RPS6KA6: variants seen among roughly 807,000 people sequenced by gnomAD.
RPS6KA6 encodes ribosomal protein S6 kinase A6, also known as ribosomal protein S6 kinase alpha-6.
A neutral mutation model predicts 65.4 loss-of-function variants in RPS6KA6; 27 were observed. The ratio of observed to expected loss-of-function variants is 0.41; its 90% CI spans 0.30 to 0.57. The LOEUF (loss-of-function observed/expected upper bound fraction) is 0.57, where lower values mean the gene tolerates loss of function less well. RPS6KA6 is among the 20% of genes least tolerant of loss of function. The pLI, the probability that RPS6KA6 is intolerant of heterozygous loss-of-function variation, is 0.24. For synonymous variants in RPS6KA6, 190 were observed against 184.2 expected, an observed-to-expected ratio of 1.03 and a Z score of -0.26; for missense variants, 486 against 555.6, an observed-to-expected ratio of 0.87 and a Z score of 1.26.
chrX:84,105,718 A>G, intron 16 of RPS6KA6, 69 bp downstream of exon 16: 1 of 619,054 alleles, frequency 1.6e-6, no homozygotes, highest in Non-Finnish European at 2.5e-6. Flanking sequence ...AAAAGTTTCA[A>G]TAAGAAAAAT....
chrX:84,185,589 A>G (rs1445226726), intron 1 of RPS6KA6, among the ~76,000 whole-genome samples: 3 of 111,702 alleles, frequency 2.7e-5, no homozygotes, highest in Non-Finnish European at 5.6e-5. Flanking sequence ...ATACAAAAAG[A>G]CTCCAAAATA....
intron 8 of RPS6KA6, among the ~76,000 whole-genome samples, chrX:84,120,335 G>A (rs761956543): frequency 4.8e-4 from 53 of 111,265 alleles, no homozygotes; most frequent in African/African-American, 1.6e-3. Flanking sequence ...ATTGATCTAA[G>A]TTTTAAAATA....
chrX:84,079,615 A>T, intron 20 of RPS6KA6, among the ~76,000 whole-genome samples: 1 of 111,128 alleles, frequency 9.0e-6, no homozygotes, highest in East Asian at 2.9e-4. Context: ...CTGAAGTCAA[A>T]CTTGGACACT....
intron 20 of RPS6KA6, among the ~76,000 whole-genome samples, chrX:84,071,110 T>C (rs1602371620): frequency 9.0e-6 from 1 of 111,133 alleles, no homozygotes; most frequent in Non-Finnish European, 1.9e-5. Context: ...GGGTTTGAAC[T>C]GAGGAGATAG....
At chrX:84,185,482 G>A (rs1398232682) in intron 1 of RPS6KA6, among the ~76,000 whole-genome samples, 1 of 111,485 alleles carries the variant, frequency 9.0e-6, no homozygotes, top group Non-Finnish European at 1.9e-5. Context: ...TTTTTCCTGT[G>A]GGAAAACATG....
At position 84,115,585 on chromosome X, in the gene RPS6KA6, C is replaced by T. The variant is rs150104169; in HGVS notation, c.1008+644G>A. 3.4e-3 allele frequency among the ~76,000 whole-genome samples: 380 copies of T among 110,677 alleles called. 1 individual carries two copies. The highest frequency in any genetic ancestry group is 0.012 in the African/African-American group (351 of 30,445). Reference sequence around the variant, plus strand: ...GAACTAATAATCAAAAAAATTTGACCCAGCAATCCCACTAATAGGTATGTA... The same window carrying T: ...GAACTAATAATCAAAAAAATTTGACTCAGCAATCCCACTAATAGGTATGTA... On this transcript the variant is annotated intron_variant, in intron 12 of 21. Transcript: ENST00000262752.
At chrX:84,121,862 A>T (rs993156705) in intron 8 of RPS6KA6, among the ~76,000 whole-genome samples, 3 of 112,500 alleles carry the variant, frequency 2.7e-5, no homozygotes, top group Non-Finnish European at 5.6e-5. Flanking sequence ...ATACATCAAA[A>T]GTATAATCCA....
chrX:84,137,636 T>C (rs1171719384), intron 6 of RPS6KA6, among the ~76,000 whole-genome samples: 1 of 112,119 alleles, frequency 8.9e-6, no homozygotes, highest in African/African-American at 3.2e-5. Context: ...ATATACCCTG[T>C]AAAAAGCCTT....
Position 84,148,059 on chromosome X carries a change from T to A in RPS6KA6, c.323A>T (p.Lys108Ile), listed in dbSNP as rs1327824494. The A allele has an allele frequency of 8.6e-7, 1 of 1,169,426 alleles. No homozygotes were observed. Among genetic ancestry groups the A allele is most frequent in the South Asian group, 1.9e-5 (1 of 51,591 alleles). Residue 108 changes from lysine (K) to isoleucine (I), a missense_variant, in exon 4 of 22, where the codon AAA (lysine) becomes ATA (isoleucine). Physicochemically the swap from Lys to Ile is moderately radical, Grantham distance 102. Coordinates refer to ENST00000262752, the MANE Select transcript of RPS6KA6 (RefSeq NM_014496.5). ...AGQLYAMKVL[K>I]KASLKVRDRV... is the part of the protein sequence containing the mutation. ...TTTTCTACCTTTTAAAGAGGCTTTT[T>A]TTAACACCTTCATTGCATAGAGCTG...
intron 20 of RPS6KA6, among the ~76,000 whole-genome samples, chrX:84,068,841 G>A (rs1368061302): frequency 2.7e-5 from 3 of 110,570 alleles, no homozygotes; most frequent in African/African-American, 9.8e-5. Context: ...AGAGAATAAA[G>A]GAATACAACT....
In RPS6KA6 at chrX:84,062,952, T is replaced by TAGTAGTAGTAGTAGTAGTAGTAGCAGC. The variant is rs760428123; in HGVS notation, c.*1324_*1325insGCTGCTACTACTACTACTACTACTACT. 9.1e-6 allele frequency: 1 copy of TAGTAGTAGTAGTAGTAGTAGTAGCAGC among 110,207 alleles called. No homozygotes were observed. Among genetic ancestry groups the TAGTAGTAGTAGTAGTAGTAGTAGCAGC allele is most frequent in the Admixed American group, 9.8e-5 (1 of 10,209 alleles). The allele number at this position is 110,207 out of a possible 1,213,427, so 9.1% of individuals were successfully genotyped here. ...GTAGTAGTAGTAGTAGTAGTAGTAGTAGCAGTAGTAGCTGCTGCTGTTGTT... is the reference window on the plus strand; with the variant it reads ...GTAGTAGTAGTAGTAGTAGTAGTAGTAGTAGTAGTAGTAGTAGTAGTAGCAGCAGCAGTAGTAGCTGCTGCTGTTGTT... On this transcript the variant is annotated 3_prime_UTR_variant, in exon 22 of 22. Coordinates refer to ENST00000262752, the MANE Select transcript of RPS6KA6 (RefSeq NM_014496.5).
At chrX:84,156,015 T>C (rs1312796678) in intron 3 of RPS6KA6, 60 bp downstream of exon 3, 15 of 617,078 alleles carry the variant, frequency 2.4e-5, no homozygotes, top group Non-Finnish European at 4.1e-5. Flanking sequence ...TACGTATGTG[T>C]TCACTTTTTT....
chrX:84,075,259 ACAAC>A (rs2033640448), intron 20 of RPS6KA6, among the ~76,000 whole-genome samples: 1 of 111,148 alleles, frequency 9.0e-6, no homozygotes, highest in South Asian at 3.7e-4. Context: ...AAACAAACAA[ACAAC>A]CTCAAATCAA....
chrX:84,106,394 C>T lies in RPS6KA6; in HGVS notation c.1336G>A (p.Ala446Thr), dbSNP rs1409758796. 2 of 1,199,471 alleles carry T rather than the reference C, an allele frequency of 1.7e-6. No individual in the cohort carries two copies. The highest frequency in any genetic ancestry group is 2.3e-6 in the Non-Finnish European group (2 of 887,103). ...ACTGCAAATTCCATGTTGGTAGTTG[C>T]ATGTATGCATCGCTTGCAAACAGAG... Reference protein sequence around the residue: ...SYSVCKRCIHATTNMEFAVKI... With the variant: ...SYSVCKRCIHTTTNMEFAVKI... Residue 446 changes from alanine to threonine, a missense_variant, in exon 15 of 22, where the codon GCA (alanine) becomes ACA (threonine). Around this residue, in one of 3 missense-constraint regions of RPS6KA6, gnomAD observed 345 missense variants for 375.0 expected, o/e 0.92. Coordinates refer to ENST00000262752, the MANE Select transcript of RPS6KA6 (RefSeq NM_014496.5).
At chrX:84,088,995 T>C (rs1230901320) in intron 20 of RPS6KA6, among the ~76,000 whole-genome samples, 3 of 110,424 alleles carry the variant, frequency 2.7e-5, no homozygotes, top group Non-Finnish European at 5.7e-5. Context: ...GAATGGCTGT[T>C]GACTGAACTG....
intron 1 of RPS6KA6, among the ~76,000 whole-genome samples, chrX:84,184,710 G>T (rs183549252): frequency 9.3e-6 from 1 of 107,468 alleles, no homozygotes; most frequent in African/African-American, 3.4e-5. Context: ...GTTTAGACAG[G>T]CATGGTTGTG....
intron 20 of RPS6KA6, among the ~76,000 whole-genome samples, chrX:84,085,208 C>T (rs773028208): frequency 2.7e-5 from 3 of 111,064 alleles, no homozygotes; most frequent in African/African-American, 9.8e-5. Flanking sequence ...GCCTGATTGC[C>T]CTGGCCAGAA....
chrX:84,077,384 G>A (rs1480648945), intron 20 of RPS6KA6, among the ~76,000 whole-genome samples: 1 of 111,773 alleles, frequency 8.9e-6, no homozygotes, highest in Non-Finnish European at 1.9e-5. Flanking sequence ...CAACAGTAAC[G>A]AAGATAGTAT....
At chrX:84,111,180 C>T (rs897786076) in intron 12 of RPS6KA6, among the ~76,000 whole-genome samples, 1 of 107,509 alleles carries the variant, frequency 9.3e-6, no homozygotes, top group African/African-American at 3.3e-5. Context: ...TGAACAAAGT[C>T]TTTGAGAAAT....
Sources: allele counts gnomAD v4.1 joint callset (sites outside exome capture counted in the v4.1 genomes callset), GRCh38; gene constraint gnomAD v4.1.1; regional missense constraint gnomAD v4.1.1; transcripts MANE v1.5; gene names NCBI Gene and HGNC (gene_info 2026-07-23, HGNC 2026-07-21).